Variants in GSAP observed in about 807,000 individuals in gnomAD.
GSAP encodes the protein gamma-secretase activating protein, also known as gamma-secretase-activating protein.
In GSAP, 118 loss-of-function variants were observed where a neutral mutation model predicts 131.7. The observed-to-expected ratio is 0.90, with a 90% CI of 0.77 to 1.04. The LOEUF (loss-of-function observed/expected upper bound fraction) is 1.04. Among genes scored for constraint, GSAP ranks in the 50% least tolerant of loss-of-function variants. The pLI, the probability that GSAP is intolerant of heterozygous loss-of-function variation, is 0.00. For synonymous variants in GSAP, 381 were observed against 363.4 expected (o/e 1.05, Z -0.55); for missense variants, 1,019 against 1,013.2 (o/e 1.01, Z -0.08).
intron 5 of GSAP, among the ~76,000 whole-genome samples, chr7:77,394,245 T>TCA (rs954055387): frequency 9.9e-5 from 15 of 152,274 alleles, no homozygotes; most frequent in African/African-American, 3.6e-4. Context: ...CATCTGCACC[T>TCA]CACCTCTTTT....
At chr7:77,358,118 ATTAC>A (rs1794021268) in intron 14 of GSAP, among the ~76,000 whole-genome samples, 1 of 152,214 alleles carries the variant, frequency 6.6e-6, no homozygotes, top group Non-Finnish European at 1.5e-5. Context: ...AGGCAGGTGG[ATTAC>A]TTGAGGTCAG....
Position 77,323,666 on chromosome 7 carries a change from A to G in GSAP, c.1904T>C (p.Leu635Pro), listed in dbSNP as rs1787950466. The G allele has an allele frequency of 6.3e-7, 1 of 1,599,618 alleles. No homozygotes were observed. The highest frequency in any genetic ancestry group is 8.6e-7 in the Non-Finnish European group (1 of 1,167,926). Residue 635 changes from leucine to proline, a missense_variant, in exon 24 of 31, where the codon CTG (leucine) becomes CCG (proline). Leu to Pro is a moderately conservative substitution (Grantham distance 98, BLOSUM62 -3). Coordinates refer to ENST00000257626, the MANE Select transcript of GSAP (RefSeq NM_017439.4). ...ACCAACCAGTTTTGAAATGTAGTCCAGAACCATCTGTTCAATTTTCTTCTT... is the reference window on the plus strand; with the variant it reads ...ACCAACCAGTTTTGAAATGTAGTCCGGAACCATCTGTTCAATTTTCTTCTT... Reference protein sequence around the residue: ...VEKKKIEQMVLDYISKLLDLI... With the variant: ...VEKKKIEQMVPDYISKLLDLI...
intron 23 of GSAP, among the ~76,000 whole-genome samples, chr7:77,324,873 G>A (rs1182836036): frequency 7.5e-6 from 1 of 132,962 alleles, no homozygotes; most frequent in Non-Finnish European, 1.5e-5. Flanking sequence ...CTGGAGTGCA[G>A]TGATGCGATC....
chr7:77,388,808 C>G (rs1024316984), intron 5 of GSAP, among the ~76,000 whole-genome samples: 9 of 152,192 alleles, frequency 5.9e-5, no homozygotes, highest in African/African-American at 2.2e-4. Context: ...TATGTCCTAA[C>G]AACTGGAAGG....
chr7:77,381,162 A>G, intron 8 of GSAP, 143 bp downstream of exon 8: 1 of 453,436 alleles, frequency 2.2e-6, no homozygotes, highest in Middle Eastern at 3.5e-4. Flanking sequence ...CATTTCACAC[A>G]TTAAAACAGC....
intron 26 of GSAP, chr7:77,316,186 C>A (rs548885169): frequency 6.6e-6 from 1 of 152,110 alleles, no homozygotes; most frequent in Non-Finnish European, 1.5e-5. Context: ...ATTGCCTGAA[C>A]GTGGATAAGA....
At chr7:77,366,196 ACT>A (rs759990395) in intron 12 of GSAP, among the ~76,000 whole-genome samples, 57 of 151,722 alleles carry the variant, frequency 3.8e-4, no homozygotes, top group Non-Finnish European at 7.4e-4. Context: ...CGTTTGGTTT[ACT>A]CTGTTAGTTT....
chr7:77,388,459 G>A (rs1798909398), intron 5 of GSAP, among the ~76,000 whole-genome samples: 1 of 152,194 alleles, frequency 6.6e-6, no homozygotes, highest in East Asian at 1.9e-4. Context: ...TGTCACATCT[G>A]AGCAAATGCC....
At chr7:77,415,693 T>C (rs1804262505) in intron 1 of GSAP, 1 of 152,296 alleles carries the variant, frequency 6.6e-6, no homozygotes, top group African/African-American at 2.4e-5. Context: ...ACGGACACGG[T>C]TCAACAGACA....
chr7:77,334,580 T>TAAAAAAAAA (rs57442782), intron 19 of GSAP, among the ~76,000 whole-genome samples: 5 of 81,946 alleles, frequency 6.1e-5, no homozygotes, highest in South Asian at 5.1e-4. Flanking sequence ...ACTTAAAATT[T>TAAAAAAAAA]AAAAAAAAAA....
At chr7:77,325,948 C>T (rs764203497) in intron 23 of GSAP, among the ~76,000 whole-genome samples, 47 of 152,188 alleles carry the variant, frequency 3.1e-4, no homozygotes, top group Non-Finnish European at 5.9e-5. Flanking sequence ...ACTCTCAACA[C>T]TATACACTCC....
chr7:77,343,952 C>G (rs1791402987), intron 19 of GSAP, among the ~76,000 whole-genome samples: 1 of 152,120 alleles, frequency 6.6e-6, no homozygotes, highest in African/African-American at 2.4e-5. Context: ...ATTGTTTAGG[C>G]CCCCTCCCTT....
intron 19 of GSAP, among the ~76,000 whole-genome samples, chr7:77,340,294 G>A (rs370152445): frequency 2.0e-4 from 31 of 152,008 alleles, no homozygotes; most frequent in African/African-American, 7.3e-4. Context: ...CAGCCCACCT[G>A]CACCCAGGTG....
intron 11 of GSAP, among the ~76,000 whole-genome samples, chr7:77,374,689 T>C (rs1043134018): frequency 2.0e-5 from 3 of 151,862 alleles, no homozygotes; most frequent in African/African-American, 7.3e-5. Context: ...TACAAGTGGA[T>C]TGACCTGTGA....
chr7:77,384,348 C>T lies in GSAP; in HGVS notation c.457-1705G>A, dbSNP rs537149173. 2.0e-5 allele frequency among the ~76,000 whole-genome samples: 3 copies of T among 152,262 alleles called. No individual in the cohort carries two copies. In the East Asian group the frequency reaches 5.8e-4, roughly 29 times the overall value. On this transcript the variant is annotated intron_variant, in intron 6 of 30. Transcript: ENST00000257626. ...TCAGGGAGAATGTTATTTTAAAAGT[C>T]CCGTTCAGGTAGGTGTTGTTTTTCT...
At position 77,352,977 on chromosome 7, in the gene GSAP, T is replaced by A; in HGVS notation, c.1458A>T (p.Leu486=). The change falls in exon 18 of 31, where the codon CTA becomes CTT. Residue 486 remains leucine (L), a synonymous_variant. Coordinates refer to ENST00000257626, the MANE Select transcript of GSAP (RefSeq NM_017439.4). The stretch of plus-strand genomic sequence containing the variant: ...AAGTGAGCACTGAGGAATGTGGCAA[T>A]AGTTTGTCCATGTTACTTGTCTCTG... The part of the protein sequence containing the change: ...VYSETSNMDK[L]LPHSSVLTWN... The A allele has an allele frequency of 6.2e-7, 1 of 1,607,146 alleles. No homozygotes were observed. The highest frequency in any genetic ancestry group is 8.5e-7 in the Non-Finnish European group (1 of 1,173,800).
Position 77,381,333 on chromosome 7 carries a change from TG to T in GSAP, c.547del (p.His183MetfsTer11). On this transcript the variant is annotated frameshift_variant, in exon 8 of 31. Transcript: ENST00000257626. LOFTEE classifies it high-confidence loss of function. ...TCTATTTCCATCTTCTTGGGCGACA[TG>T]GATACGAAATTGTTCAATATCTTTA... is the stretch of plus-strand genomic sequence containing the variant. ...EEKYIEQFRIHVAQEDGNRVV... is the reference protein window; with the variant it reads ...EEKYIEQFRIXVAQEDGNRVV... The T allele has an allele frequency of 1.3e-6, 2 of 1,557,572 alleles. No homozygotes were observed. Among genetic ancestry groups the T allele is most frequent in the South Asian group, 1.2e-5 (1 of 83,644 alleles).
intron 27 of GSAP, 103 bp downstream of exon 27, chr7:77,314,267 T>C: frequency 1.6e-6 from 2 of 1,214,458 alleles, no homozygotes; most frequent in Non-Finnish European, 2.4e-6. Flanking sequence ...CTCTTCTGAG[T>C]GCAGCCAGGC....
chr7:77,390,506 C>T (rs1297968660), intron 5 of GSAP, among the ~76,000 whole-genome samples: 1 of 151,954 alleles, frequency 6.6e-6, no homozygotes, highest in African/African-American at 2.4e-5. Context: ...TACATATGGC[C>T]AGCCAGTTTT....
Sources: gnomAD v4.1 joint callset for allele counts (sites outside exome capture counted in the v4.1 genomes callset) on GRCh38, gnomAD v4.1.1 for gene constraint, MANE v1.5 for transcripts, NCBI Gene and HGNC (gene_info 2026-07-23, HGNC 2026-07-21) for gene names.